The following UNC13C variants were observed in gnomAD, a reference collection of about 807,000 sequenced individuals.
UNC13C encodes unc-13 homolog C.
UNC13C carries 174 observed loss-of-function variants against 245.4 expected under a neutral mutation model. That is an observed-to-expected ratio of 0.71 (90% CI 0.63 to 0.80). The LOEUF (loss-of-function observed/expected upper bound fraction) is 0.80, where lower values mean the gene tolerates loss of function less well. Among genes scored for constraint, UNC13C ranks in the 30% least tolerant of loss-of-function variants. UNC13C has a pLI of 0.00. For missense variants in UNC13C, 2,829 were observed against 2,602.9 expected (o/e 1.09, Z -1.89); for synonymous variants, 992 against 895.1 (o/e 1.11, Z -1.93).
chr15:54,377,152 C>T (rs530443227), intron 17 of UNC13C, among the ~76,000 whole-genome samples: 2 of 152,166 alleles, frequency 1.3e-5, no homozygotes, highest in Non-Finnish European at 2.9e-5. Flanking sequence ...CCAACCACCG[C>T]CCCACAGGGC....
In UNC13C at chr15:54,015,820, A is replaced by G. The variant is rs769532334; in HGVS notation, c.2917A>G (p.Lys973Glu). ...TKPKRIRPSF[K>E]EAALRAYKKQ... ...GCCAAAGAGAATTCGTCCTTCTTTC[A>G]AAGAAGCAGCTTTAAGGGCCTATAA... The change falls in exon 2 of 33, where the codon AAA (lysine) becomes GAA (glutamate). Residue 973 changes from lysine (K) to glutamate (E), a missense_variant. Coordinates refer to ENST00000260323, the MANE Select transcript of UNC13C (RefSeq NM_001080534.3). 1 of 1,611,234 alleles carries G rather than the reference A, an allele frequency of 6.2e-7. No individual in the cohort carries two copies. Among genetic ancestry groups the G allele is most frequent in the South Asian group, 1.1e-5 (1 of 90,556 alleles).
At chr15:54,416,593 C>G (rs2040526244) in intron 19 of UNC13C, among the ~76,000 whole-genome samples, 1 of 152,232 alleles carries the variant, frequency 6.6e-6, no homozygotes, top group South Asian at 2.1e-4. Flanking sequence ...CTTTCACTGT[C>G]TCTTTGGGAC....
At chr15:54,587,389 G>A (rs959897324) in intron 30 of UNC13C, among the ~76,000 whole-genome samples, 4 of 152,128 alleles carry the variant, frequency 2.6e-5, no homozygotes, top group Non-Finnish European at 1.5e-5. Context: ...ACAGTTATCT[G>A]CATGTCTTCC....
At chr15:53,888,196 C>T in the UNC13C span, among the ~76,000 whole-genome samples, 21 of 152,170 alleles carry the variant, frequency 1.4e-4, no homozygotes, top group Admixed American at 5.9e-4. Flanking sequence ...CCTATTTCTC[C>T]ACATCCTCTC....
chr15:54,239,849 G>A (rs1294152116), intron 7 of UNC13C, among the ~76,000 whole-genome samples: 1 of 152,216 alleles, frequency 6.6e-6, no homozygotes, highest in South Asian at 2.1e-4. Flanking sequence ...GTAGGAGAAA[G>A]CTGCATATTG....
chr15:54,181,174 G>A (rs2033785184), intron 4 of UNC13C, among the ~76,000 whole-genome samples: 1 of 151,974 alleles, frequency 6.6e-6, no homozygotes, highest in Non-Finnish European at 1.5e-5. Flanking sequence ...GTTAGGTTTT[G>A]TATATGGTAA....
intron 8 of UNC13C, among the ~76,000 whole-genome samples, chr15:54,259,509 T>G (rs2036368204): frequency 6.6e-6 from 1 of 152,150 alleles, no homozygotes; most frequent in Admixed American, 6.5e-5. Flanking sequence ...CTCATGAGAC[T>G]TATTCACTAC....
chr15:54,038,099 CATAT>C lies in UNC13C; in HGVS notation c.2983+22236_2983+22239del, dbSNP rs1399556197. On this transcript the variant is annotated intron_variant, in intron 2 of 32. Transcript: ENST00000260323. The stretch of plus-strand genomic sequence containing the variant: ...ATATGTGTGTGTGTATATACATATA[CATAT>C]ATATATATATATATATATATATTTT... Among the ~76,000 whole-genome samples, 256 of 66,954 alleles carry C rather than the reference CATAT, an allele frequency of 3.8e-3. 9 individuals are homozygous for C. Among genetic ancestry groups the C allele is most frequent in the Middle Eastern group, 0.026 (2 of 78 alleles). The allele number at this position is 66,954 out of a possible 152,430, so 43.9% of individuals were successfully genotyped here. A position where few individuals can be genotyped will look rare whatever the true frequency, so the allele number is the denominator to read the frequency against.
At chr15:53,934,201 G>GA in the UNC13C span, among the ~76,000 whole-genome samples, 25 of 152,186 alleles carry the variant, frequency 1.6e-4, no homozygotes, top group African/African-American at 5.5e-4. Flanking sequence ...AACCATTGTT[G>GA]AGAAATCTGC....
intron 8 of UNC13C, among the ~76,000 whole-genome samples, chr15:54,250,796 G>T (rs1284213850): frequency 9.8e-6 from 1 of 101,978 alleles, no homozygotes; most frequent in Non-Finnish European, 1.8e-5. Flanking sequence ...TCACTCTGTC[G>T]CCCCAGCTGG....
chr15:54,194,699 A>G (rs2034294872), intron 4 of UNC13C, among the ~76,000 whole-genome samples: 1 of 152,106 alleles, frequency 6.6e-6, no homozygotes, highest in South Asian at 2.1e-4. Flanking sequence ...GTGGGTATGA[A>G]GTTGAAATGG....
intron 13 of UNC13C, among the ~76,000 whole-genome samples, chr15:54,318,431 A>T (rs1415099460): frequency 6.6e-6 from 1 of 151,874 alleles, no homozygotes; most frequent in African/African-American, 2.4e-5. Context: ...AATAGGAGTG[A>T]GGTAATATCT....
At chr15:54,061,169 AAAAG>A (rs1897815893) in intron 2 of UNC13C, among the ~76,000 whole-genome samples, 1 of 152,144 alleles carries the variant, frequency 6.6e-6, no homozygotes. Flanking sequence ...AGACAAAAAA[AAAAG>A]AAATTAACAT....
At chr15:54,630,451 T>C (rs1258736467), downstream of UNC13C, 1 of 152,224 alleles carries the variant, frequency 6.6e-6, no homozygotes. Flanking sequence ...CATAAAGATA[T>C]GACTATACTA....
intron 4 of UNC13C, among the ~76,000 whole-genome samples, chr15:54,218,381 T>C (rs556685572): frequency 5.9e-5 from 9 of 152,076 alleles, no homozygotes; most frequent in Non-Finnish European, 1.2e-4. Context: ...GAGATACTTA[T>C]GGATCAGTGA....
At chr15:53,949,933 C>A in the UNC13C span, among the ~76,000 whole-genome samples, 1 of 152,120 alleles carries the variant, frequency 6.6e-6, no homozygotes, top group Admixed American at 6.5e-5. Flanking sequence ...TTAAATTTGA[C>A]CTTAAGCTCT....
chr15:54,312,791 G>A (rs2037909485), intron 13 of UNC13C, among the ~76,000 whole-genome samples: 1 of 151,760 alleles, frequency 6.6e-6, no homozygotes, highest in African/African-American at 2.4e-5. Flanking sequence ...GATAAAGGGG[G>A]CAGACATTGG....
At chr15:54,291,550 G>A (rs929989981) in intron 10 of UNC13C, among the ~76,000 whole-genome samples, 6 of 152,044 alleles carry the variant, frequency 3.9e-5, no homozygotes, top group Admixed American at 6.6e-5. Flanking sequence ...CAAAAAGAAC[G>A]TGGAACTTGT....
chr15:54,134,759 A>G (rs2031645527), intron 2 of UNC13C, among the ~76,000 whole-genome samples: 1 of 152,180 alleles, frequency 6.6e-6, no homozygotes, highest in Non-Finnish European at 1.5e-5. Context: ...GCTATAGTGA[A>G]TAATTCTGCA....
Sources: gnomAD v4.1 joint callset for allele counts (sites outside exome capture counted in the v4.1 genomes callset) on GRCh38, gnomAD v4.1.1 for gene constraint, MANE v1.5 for transcripts, NCBI Gene and HGNC (gene_info 2026-07-23, HGNC 2026-07-21) for gene names.